MRNIP: variants seen among roughly 807,000 people sequenced by gnomAD.
MRNIP encodes the protein MRN complex interacting protein.
Under a neutral mutation model 29.8 loss-of-function variants are expected in MRNIP, and 30 were observed. The ratio of observed to expected loss-of-function variants is 1.01; its 90% CI spans 0.75 to 1.36. The LOEUF is 1.36. Among genes scored for constraint, MRNIP ranks in the 40% most tolerant of loss-of-function variants. The pLI, the probability that MRNIP is intolerant of heterozygous loss-of-function variation, is 0.00. For synonymous variants in MRNIP, 201 were observed against 164.1 expected, an observed-to-expected ratio of 1.23 and a Z score of -1.72; for missense variants, 459 against 423.5, an observed-to-expected ratio of 1.08 and a Z score of -0.74.
At position 179,858,741 on chromosome 5, in the gene MRNIP, TG is replaced by T. The variant is rs895158840; in HGVS notation, c.55del (p.Gln19ArgfsTer5). 7.9e-6 allele frequency: 12 copies of T among 1,526,066 alleles called. No homozygotes were observed. The Admixed American group carries it at 1.8e-4, about 23-fold the overall frequency. The allele number at this position is 1,526,066 out of a possible 1,614,324, so 94.5% of individuals were successfully genotyped here. A position where few individuals can be genotyped will look rare whatever the true frequency, so the allele number is the denominator to read the frequency against. On this transcript the variant is annotated frameshift_variant, in exon 1 of 7. Transcript: ENST00000292586. LOFTEE classifies it high-confidence loss of function. ...TGGCACCCGCCAGACCTGGTGCGCC[TG>T]GAAGAGGCGGCAGCTGCAGCAGCGT... ...VLRCCSCRLFQAHQVKKSVKW... is the reference protein window; with the variant it reads ...VLRCCSCRLFXAHQVKKSVKW...
chr5:179,841,824 C>T (rs181713982), intron 5 of MRNIP, 83 bp downstream of exon 5: 39 of 1,439,458 alleles, frequency 2.7e-5, no homozygotes, highest in African/African-American at 1.0e-4. Context: ...GCTTGGCTGA[C>T]GCTCACAGTG....
chr5:179,845,396 G>C (rs1442056782), intron 3 of MRNIP, among the ~76,000 whole-genome samples: 1 of 152,026 alleles, frequency 6.6e-6, no homozygotes, highest in Non-Finnish European at 1.5e-5. Context: ...TGATCTGCCT[G>C]CCTTGGCCTC....
chr5:179,843,509 TG>T (rs1278173853), intron 4 of MRNIP, among the ~76,000 whole-genome samples: 1 of 151,756 alleles, frequency 6.6e-6, no homozygotes, highest in Non-Finnish European at 1.5e-5. Context: ...GGAGCTGAGG[TG>T]GGAAGATGGC....
chr5:179,848,099 A>G, intron 2 of MRNIP, 33 bp from the exon 3 acceptor site: 1 of 1,516,152 alleles, frequency 6.6e-7, no homozygotes. Flanking sequence ...ACATTGAAAA[A>G]GTGCTGGCAG....
chr5:179,837,343 T>G lies in MRNIP; in HGVS notation c.*48A>C, dbSNP rs752454397. 1.4e-5 allele frequency: 22 copies of G among 1,583,994 alleles called. No individual in the cohort carries two copies. The highest frequency in any genetic ancestry group is 1.9e-5 in the Non-Finnish European group (22 of 1,164,916). On this transcript the variant is annotated 3_prime_UTR_variant, in exon 7 of 7. Transcript: ENST00000292586. ...CTTTAAAAGTGCCTTAGGGGAACCC[T>G]GTCCCTCCTAACAAGTGTATCTCGA... is the stretch of plus-strand genomic sequence containing the variant.
intron 5 of MRNIP, 127 bp from the exon 6 acceptor site, chr5:179,841,086 G>A (rs1758865091): frequency 4.7e-6 from 3 of 635,864 alleles, no homozygotes; most frequent in South Asian, 3.8e-5. Context: ...CCAGGCAGCT[G>A]CTCAGGGTGT....
Position 179,844,176 on chromosome 5 carries a change from C to A in MRNIP, c.267G>T (p.Gln89His). 6.2e-7 allele frequency: 1 copy of A among 1,614,146 alleles called. No homozygotes were observed. The highest frequency in any genetic ancestry group is 8.5e-7 in the Non-Finnish European group (1 of 1,179,996). Residue 89 changes from glutamine to histidine, a missense_variant, in exon 4 of 7, where the codon CAG becomes CAT. Coordinates refer to ENST00000292586, the MANE Select transcript of MRNIP (RefSeq NM_016175.4). Reference sequence around the variant, plus strand: ...CCTGCTGCTTCACATTCCCAGCCTGCTGGTGTCCCACGTTTTCTTCTTCAC... The same window carrying A: ...CCTGCTGCTTCACATTCCCAGCCTGATGGTGTCCCACGTTTTCTTCTTCAC... ...SASEEENVGH[Q>H]QAGNVKQQEK...
intron 2 of MRNIP, among the ~76,000 whole-genome samples, chr5:179,850,576 T>G (rs1759326453): frequency 6.6e-6 from 1 of 152,168 alleles, no homozygotes; most frequent in Non-Finnish European, 1.5e-5. Context: ...CAGAGACCAC[T>G]GCTGACGCTG....
intron 2 of MRNIP, among the ~76,000 whole-genome samples, chr5:179,852,898 C>T (rs1419337652): frequency 6.6e-6 from 1 of 152,226 alleles, no homozygotes; most frequent in Non-Finnish European, 1.5e-5. Context: ...CCCTGCCTGC[C>T]TCCACTTCCT....
chr5:179,851,063 G>A (rs367875338), intron 2 of MRNIP: 7 of 375,034 alleles, frequency 1.9e-5, no homozygotes, highest in Middle Eastern at 9.5e-4. Flanking sequence ...CAAGAGAAAC[G>A]TCTATTGTAT....
chr5:179,847,192 T>C (rs1759174384), intron 3 of MRNIP: 1 of 118,126 alleles, frequency 8.5e-6, no homozygotes, highest in South Asian at 3.0e-4. Context: ...TTTTTTGAGA[T>C]AGTCTCGTTC....
intron 2 of MRNIP, among the ~76,000 whole-genome samples, chr5:179,849,626 C>T (rs558884436): frequency 8.1e-4 from 122 of 149,958 alleles, no homozygotes; most frequent in African/African-American, 2.9e-3. Flanking sequence ...ATGGATCCTG[C>T]AATGACACAG....
Position 179,857,147 on chromosome 5 carries a change from AAAAC to A in MRNIP, c.66+1580_66+1583del, listed in dbSNP as rs200855461. On this transcript the variant is annotated intron_variant, in intron 1 of 6. Transcript: ENST00000292586. Reference sequence around the variant, plus strand: ...GGTGAACATGGAAGAGTGAAACAGGAAAACAAACAAGGAAATAGAGGCCGGGCGC... The same window carrying A: ...GGTGAACATGGAAGAGTGAAACAGGAAAACAAGGAAATAGAGGCCGGGCGC... 7.8e-3 allele frequency among the ~76,000 whole-genome samples: 1,183 copies of A among 152,160 alleles called. 11 individuals carry two copies. The highest frequency in any genetic ancestry group is 0.013 in the Non-Finnish European group (881 of 67,974).
At chr5:179,855,531 C>T (rs952680718) in intron 1 of MRNIP, among the ~76,000 whole-genome samples, 1 of 152,128 alleles carries the variant, frequency 6.6e-6, no homozygotes, top group African/African-American at 2.4e-5. Context: ...ATTAAGATAC[C>T]TTCAAAAATT....
At chr5:179,851,536 C>T (rs1759366207) in intron 2 of MRNIP, 1 of 433,294 alleles carries the variant, frequency 2.3e-6, no homozygotes, top group Admixed American at 2.4e-5. Context: ...CTTTTCAGTT[C>T]TTGGGGCTAG....
intron 4 of MRNIP, 29 bp from the exon 5 acceptor site, chr5:179,842,093 C>T: frequency 6.2e-7 from 1 of 1,611,046 alleles, no homozygotes; most frequent in Non-Finnish European, 8.5e-7. Context: ...AGTTGATTCT[C>T]AGTACTGGAA....
Position 179,837,394 on chromosome 5 carries a change from C to G in MRNIP, c.1029G>C (p.Val343=), listed in dbSNP as rs1758633196. ...TTAATAACCTGCCAGTCCCAGATCA[C>G]ACATCATCATCGAAGTCTTCCCCAG... The part of the protein sequence containing the change: ...FITGEDFDDD[V] The change falls in exon 7 of 7, where the codon GTG becomes GTC. Residue 343 remains valine (V), a synonymous_variant. Transcript: ENST00000292586. 13 of 1,589,288 alleles carry G rather than the reference C, an allele frequency of 8.2e-6. No homozygotes were observed. Among genetic ancestry groups the G allele is most frequent in the Non-Finnish European group, 1.1e-5 (13 of 1,165,980 alleles).
At chr5:179,843,519 G>A (rs576708058) in intron 4 of MRNIP, among the ~76,000 whole-genome samples, 1 of 152,144 alleles carries the variant, frequency 6.6e-6, no homozygotes, top group South Asian at 2.1e-4. Context: ...TGGGAAGATG[G>A]CCTGAGCCCA....
intron 2 of MRNIP, among the ~76,000 whole-genome samples, chr5:179,851,724 A>G (rs1188101820): frequency 6.6e-6 from 1 of 152,092 alleles, no homozygotes; most frequent in East Asian, 1.9e-4. Flanking sequence ...CACGCCTGTA[A>G]CCCCAGCACT....
Sources: gnomAD v4.1 joint callset for allele counts (sites outside exome capture counted in the v4.1 genomes callset) on GRCh38, gnomAD v4.1.1 for gene constraint, MANE v1.5 for transcripts, NCBI Gene and HGNC (gene_info 2026-07-23, HGNC 2026-07-21) for gene names.